Variants in ZBTB8OS observed in about 807,000 individuals in gnomAD.
The protein encoded by ZBTB8OS is tRNA-splicing ligase-activating factor archease.
ZBTB8OS carries 16 observed loss-of-function variants against 29.3 expected under a neutral mutation model. The ratio of observed to expected loss-of-function variants is 0.55; its 90% CI spans 0.37 to 0.83. The LOEUF (loss-of-function observed/expected upper bound fraction) is 0.83. Among genes scored for constraint, ZBTB8OS ranks in the 40% least tolerant of loss-of-function variants. The pLI is 0.00. For synonymous variants in ZBTB8OS, 70 were observed against 64.6 expected (o/e 1.08, Z -0.40); for missense variants, 160 against 196.9 (o/e 0.81, Z 1.12).
upstream of ZBTB8OS, chr1:32,650,569 C>T (rs541464475): frequency 1.9e-5 from 31 of 1,614,034 alleles, no homozygotes; most frequent in South Asian, 3.1e-4. Context: ...CCTTCATCCA[C>T]CGGACTTCGG....
chr1:32,626,980 AT>A (rs1181008582), intron 6 of ZBTB8OS, among the ~76,000 whole-genome samples: 1 of 152,242 alleles, frequency 6.6e-6, no homozygotes, highest in African/African-American at 2.4e-5. Context: ...GAACTCATTC[AT>A]TTAAGTATTA....
rs1645469024 is a variant in ZBTB8OS at position 32,630,573 on chromosome 1, CA to C, written c.380+1253del. The stretch of plus-strand genomic sequence containing the variant: ...GTCTCAAATCAATCAATCAATCAAT[CA>C]AATTAAATTAAATTAAATGGAGCCG... On this transcript the variant is annotated intron_variant, in intron 5 of 6. Transcript: ENST00000468695. Among the ~76,000 whole-genome samples the C allele has an allele frequency of 1.1e-4, 17 of 151,228 alleles. 1 individual carries two copies. The highest frequency in any genetic ancestry group is 3.5e-3 in the Middle Eastern group (1 of 288).
chr1:32,639,600 A>G (rs1225594210), intron 1 of ZBTB8OS, among the ~76,000 whole-genome samples: 4 of 151,978 alleles, frequency 2.6e-5, no homozygotes, highest in African/African-American at 9.7e-5. Flanking sequence ...TCTCTTAAAA[A>G]GTTTTTAAAA....
chr1:32,626,159 C>T (rs1468286704), intron 6 of ZBTB8OS, among the ~76,000 whole-genome samples: 2 of 152,146 alleles, frequency 1.3e-5, no homozygotes, highest in Non-Finnish European at 2.9e-5. Flanking sequence ...AGGCGTGAAC[C>T]ACCACGCCGG....
chr1:32,624,517 C>G (rs1432557469), intron 6 of ZBTB8OS, among the ~76,000 whole-genome samples: 1 of 152,120 alleles, frequency 6.6e-6, no homozygotes, highest in African/African-American at 2.4e-5. Flanking sequence ...AGTATTAAAA[C>G]CAGGAAGGTA....
At chr1:32,637,601 T>C (rs1646077001) in intron 1 of ZBTB8OS, among the ~76,000 whole-genome samples, 2 of 151,558 alleles carry the variant, frequency 1.3e-5, no homozygotes, top group South Asian at 4.2e-4. Context: ...TGTGGTTCCA[T>C]CTATATGAAA....
intron 1 of ZBTB8OS, among the ~76,000 whole-genome samples, chr1:32,643,119 G>T (rs1646557959): frequency 7.4e-6 from 1 of 135,992 alleles, no homozygotes; most frequent in South Asian, 2.4e-4. Flanking sequence ...TTCCCAGGCT[G>T]GAGTACAATG....
At chr1:32,642,204 A>G (rs1394086902) in intron 1 of ZBTB8OS, among the ~76,000 whole-genome samples, 2 of 152,108 alleles carry the variant, frequency 1.3e-5, no homozygotes, top group Non-Finnish European at 2.9e-5. Context: ...TTTCTTTGCC[A>G]TATTTTGAAA....
chr1:32,625,349 A>G (rs1333777640), intron 6 of ZBTB8OS, among the ~76,000 whole-genome samples: 1 of 152,134 alleles, frequency 6.6e-6, no homozygotes, highest in African/African-American at 2.4e-5. Context: ...CCTGGCCAAC[A>G]TGGTGAAACC....
intron 1 of ZBTB8OS, among the ~76,000 whole-genome samples, chr1:32,643,101 G>C (rs570024909): frequency 1.0e-4 from 11 of 105,312 alleles, no homozygotes; most frequent in African/African-American, 3.3e-4. Context: ...ATAGAGTTTC[G>C]CTCTTGTTTC....
chr1:32,649,759 G>A (rs1362890470), intron 1 of ZBTB8OS, among the ~76,000 whole-genome samples: 1 of 151,746 alleles, frequency 6.6e-6, no homozygotes, highest in African/African-American at 2.4e-5. Flanking sequence ...CCGCCTCCCG[G>A]GTTCAAGCGA....
intron 6 of ZBTB8OS, among the ~76,000 whole-genome samples, chr1:32,624,099 G>T (rs1021918024): frequency 2.0e-5 from 3 of 152,132 alleles, no homozygotes; most frequent in Non-Finnish European, 2.9e-5. Context: ...CACCATGATT[G>T]TAAGTTTCCT....
intron 5 of ZBTB8OS, among the ~76,000 whole-genome samples, chr1:32,628,411 C>CG (rs993986905): frequency 1.3e-5 from 2 of 148,990 alleles, no homozygotes; most frequent in African/African-American, 5.0e-5. Context: ...CCGAGGTAGG[C>CG]GGATCACCTG....
At chr1:32,632,174 T>G (rs2148361255) in intron 4 of ZBTB8OS, 1 of 175,588 alleles carries the variant, frequency 5.7e-6, no homozygotes, top group East Asian at 1.7e-4. Context: ...GCCAATCAAT[T>G]TTTTTTGTAT....
chr1:32,628,246 A>G (rs972478195), intron 5 of ZBTB8OS, among the ~76,000 whole-genome samples: 3 of 152,052 alleles, frequency 2.0e-5, no homozygotes, highest in Admixed American at 2.0e-4. Context: ...AATCCCAGCT[A>G]CTTGGGAGGC....
intron 1 of ZBTB8OS, among the ~76,000 whole-genome samples, chr1:32,646,218 C>CTGAGGT (rs1476372221): frequency 6.6e-6 from 1 of 151,698 alleles, no homozygotes; most frequent in Non-Finnish European, 1.5e-5. Flanking sequence ...ACTCAAGAGG[C>CTGAGGT]TGAGGTTGGA....
intron 1 of ZBTB8OS, among the ~76,000 whole-genome samples, chr1:32,638,333 C>T (rs1408026853): frequency 6.9e-6 from 1 of 145,848 alleles, no homozygotes; most frequent in Non-Finnish European, 1.5e-5. Context: ...GCTGGGATTA[C>T]AGGCATGCGC....
At chr1:32,622,473 C>T (rs768296205) in intron 6 of ZBTB8OS, among the ~76,000 whole-genome samples, 4 of 152,048 alleles carry the variant, frequency 2.6e-5, no homozygotes, top group Non-Finnish European at 5.9e-5. Flanking sequence ...CATGCAGGAG[C>T]AGAAAATCAA....
intron 1 of ZBTB8OS, 72 bp from the exon 2 acceptor site, chr1:32,634,864 T>G: frequency 7.0e-6 from 7 of 1,006,492 alleles, no homozygotes; most frequent in Non-Finnish European, 9.6e-6. Flanking sequence ...AAAATAACTC[T>G]AGTCCATTAT....
Sources: gnomAD v4.1 joint callset for allele counts (sites outside exome capture counted in the v4.1 genomes callset) on GRCh38, gnomAD v4.1.1 for gene constraint, MANE v1.5 for transcripts, NCBI Gene and HGNC (gene_info 2026-07-23, HGNC 2026-07-21) for gene names.